Variants in RNF213 observed in about 807,000 individuals in gnomAD.
RNF213 encodes ring finger protein 213, also known as E3 ubiquitin-protein ligase RNF213.
A neutral mutation model predicts 514.4 loss-of-function variants in RNF213; 341 were observed. The ratio of observed to expected loss-of-function variants is 0.66; its 90% CI spans 0.61 to 0.73. The LOEUF (loss-of-function observed/expected upper bound fraction) is 0.73, where lower values mean the gene tolerates loss of function less well. Among genes scored for constraint, RNF213 ranks in the 30% least tolerant of loss-of-function variants. The pLI, the probability that RNF213 is intolerant of heterozygous loss-of-function variation, is 0.00. For missense variants in RNF213, 5,767 were observed against 6,615.6 expected (o/e 0.87, Z 4.45); for synonymous variants, 2,655 against 2,658.2 (o/e 1.00, Z 0.04).
At chr17:80,388,723 C>A (rs372294598) in intron 64 of RNF213, 34 bp downstream of exon 64, 2 of 1,469,478 alleles carry the variant, frequency 1.4e-6, no homozygotes, top group South Asian at 2.3e-5. Flanking sequence ...GTGCACGGGG[C>A]TTTCTGCCTT....
intron 17 of RNF213, among the ~76,000 whole-genome samples, chr17:80,321,864 T>C (rs958751949): frequency 1.3e-5 from 2 of 152,148 alleles, no homozygotes; most frequent in Non-Finnish European, 2.9e-5. Flanking sequence ...TAGCTGGGAC[T>C]ACAGGCATGT....
Position 80,362,399 on chromosome 17 carries a change from G to A in RNF213, c.11355+511G>A, listed in dbSNP as rs570141980. Among the ~76,000 whole-genome samples the A allele has an allele frequency of 2.2e-4, 33 of 152,240 alleles. 1 individual carries two copies. In the South Asian group the frequency reaches 4.6e-3, roughly 21 times the overall value. On this transcript the variant is annotated intron_variant, in intron 39 of 67. Coordinates refer to ENST00000582970, the MANE Select transcript of RNF213 (RefSeq NM_001256071.3). ...CCTAAGTTTTAAAAAATGGGTAAAC[G>A]TTATAAAACAACAATTTTATAATCT... is the stretch of plus-strand genomic sequence containing the variant.
chr17:80,382,628 C>T, intron 57 of RNF213: 1 of 334,742 alleles, frequency 3.0e-6, no homozygotes, highest in Non-Finnish European at 5.7e-6. Flanking sequence ...CACTCCACAT[C>T]TGTGTGGTCT....
intron 10 of RNF213, among the ~76,000 whole-genome samples, chr17:80,297,786 CAA>C (rs550895440): frequency 0.026 from 2,564 of 98,148 alleles, 62 homozygotes; most frequent in African/African-American, 0.091. Context: ...GACTCCGTCT[CAA>C]AAAAAAAAAA....
At chr17:80,329,117 TC>T (rs1282852980) in intron 20 of RNF213, among the ~76,000 whole-genome samples, 1 of 152,182 alleles carries the variant, frequency 6.6e-6, no homozygotes, top group Non-Finnish European at 1.5e-5. Context: ...GGGTGGAGTC[TC>T]CCTCCACCTC....
chr17:80,263,875 G>A lies in RNF213; in HGVS notation c.97+97G>A, dbSNP rs969989011. The stretch of plus-strand genomic sequence containing the variant: ...AAATGGAAACCCTGGGCAGCAGGCA[G>A]CTCAGGTGGGGCCGAGGTCCTCTGT... On this transcript the variant is annotated intron_variant, in intron 2 of 67. Coordinates refer to ENST00000582970, the MANE Select transcript of RNF213 (RefSeq NM_001256071.3). This position sits in a 1 kb window ranked among gnomAD's most constrained non-coding sequence, Gnocchi z 4.9. 63 of 1,013,822 alleles carry A rather than the reference G, an allele frequency of 6.2e-5. No homozygotes were observed. The highest frequency in any genetic ancestry group is 9.1e-5 in the Non-Finnish European group (59 of 650,140). 62.8% of individuals were successfully genotyped at this position (1,013,822 alleles called of 1,614,324 possible).
At chr17:80,325,258 GA>G in intron 18 of RNF213, 60 bp downstream of exon 18, 1 of 1,451,234 alleles carries the variant, frequency 6.9e-7, no homozygotes, top group African/African-American at 1.4e-5. Flanking sequence ...TCCTGATTGG[GA>G]AAGGTGGGAG....
In RNF213 at chr17:80,363,594, TGTCC is replaced by T; in HGVS notation, c.11569-11_11569-8del. On this transcript the variant is annotated splice_polypyrimidine_tract_variant and intron_variant, in intron 40 of 67. Coordinates refer to ENST00000582970, the MANE Select transcript of RNF213 (RefSeq NM_001256071.3). ...GGGGCACCGCTCAGCCACGCCCTGCTGTCCGTCTCCCCAGACCCTGGACGCATTT... is the reference window on the plus strand; with the variant it reads ...GGGGCACCGCTCAGCCACGCCCTGCTGTCTCCCCAGACCCTGGACGCATTT... The T allele has an allele frequency of 6.2e-7, 1 of 1,612,894 alleles. No homozygotes were observed. Among genetic ancestry groups the T allele is most frequent in the Non-Finnish European group, 8.5e-7 (1 of 1,180,002 alleles).
At position 80,348,243 on chromosome 17, in the gene RNF213, A is replaced by T; in HGVS notation, c.9908A>T (p.His3303Leu). 6.2e-7 allele frequency: 1 copy of T among 1,614,030 alleles called. No individual in the cohort carries two copies. Among genetic ancestry groups the T allele is most frequent in the South Asian group, 1.1e-5 (1 of 91,090 alleles). Residue 3303 changes from histidine to leucine, a missense_variant, in exon 29 of 68, where the codon CAC (histidine) becomes CTC (leucine). Coordinates refer to ENST00000582970, the MANE Select transcript of RNF213 (RefSeq NM_001256071.3). ...HNSFADFLQA[H>L]LHTADLERHA... is the part of the protein sequence containing the mutation. ...TCCTTTGCAGATTTCCTTCAGGCAC[A>T]CCTGCACACGGCAGACCTGGAGCGC...
At chr17:80,351,170 G>A (rs977179570) in intron 31 of RNF213, among the ~76,000 whole-genome samples, 1 of 152,188 alleles carries the variant, frequency 6.6e-6, no homozygotes, top group East Asian at 1.9e-4. Context: ...ATGGCATTGC[G>A]CACAGAACTC....
chr17:80,332,318 A>G lies in RNF213; in HGVS notation c.3830A>G (p.Tyr1277Cys). The G allele has an allele frequency of 1.3e-6, 2 of 1,537,238 alleles. No homozygotes were observed. Among genetic ancestry groups the G allele is most frequent in the South Asian group, 1.2e-5 (1 of 84,062 alleles). ...CTTGAGCTTGAAGAGGTGTATGACT[A>G]TTTGTATCAGCCTTCTTACAGAAAG... Reference protein sequence around the residue: ...HILELEEVYDYLYQPSYRKFI... With the variant: ...HILELEEVYDCLYQPSYRKFI... Residue 1277 changes from tyrosine to cysteine, a missense_variant, in exon 21 of 68, where the codon TAT becomes TGT. By Grantham distance (194) the Tyr-to-Cys change is radical. Coordinates refer to ENST00000582970, the MANE Select transcript of RNF213 (RefSeq NM_001256071.3).
In RNF213 at chr17:80,353,626, A is replaced by G; in HGVS notation, c.10538A>G (p.Glu3513Gly). The change falls in exon 34 of 68, where the codon GAG becomes GGG. Residue 3513 changes from glutamate to glycine, a missense_variant. Glu to Gly is a moderately conservative substitution (Grantham distance 98, BLOSUM62 -2). This residue lies in a region of RNF213 where 919 missense variants were observed against 1,121.0 expected (regional missense o/e 0.82). Transcript: ENST00000582970. The surrounding 1 kb of genome is among the most constrained non-coding windows in gnomAD (Gnocchi z 5.0). ...AEEAMETESS[E>G]KVGKETSELG... ...GAGGCCATGGAAACAGAAAGTTCTG[A>G]GAAGGTGGGAAAGGAAACCTCTGAA... 2 of 1,614,186 alleles carry G rather than the reference A, an allele frequency of 1.2e-6. No homozygotes were observed. The highest frequency in any genetic ancestry group is 8.5e-7 in the Non-Finnish European group (1 of 1,180,024).
chr17:80,334,967 G>T (rs2077945458), intron 22 of RNF213, among the ~76,000 whole-genome samples: 1 of 150,984 alleles, frequency 6.6e-6, no homozygotes, highest in South Asian at 2.1e-4. Context: ...TGTTGCCCAG[G>T]CTGGAGTGCA....
chr17:80,391,332 G>T (rs577213671), intron 67 of RNF213, among the ~76,000 whole-genome samples: 1 of 152,086 alleles, frequency 6.6e-6, no homozygotes, highest in African/African-American at 2.4e-5. Context: ...GTGCAGTGGC[G>T]CAATCTTGGC....
intron 36 of RNF213, among the ~76,000 whole-genome samples, chr17:80,357,663 A>C (rs1332349086): frequency 1.3e-5 from 2 of 152,206 alleles, no homozygotes; most frequent in Non-Finnish European, 2.9e-5. Flanking sequence ...ACATACAAAA[A>C]TTATGCAGCC....
intron 14 of RNF213, among the ~76,000 whole-genome samples, chr17:80,310,577 A>G (rs1185253175): frequency 1.3e-5 from 2 of 148,450 alleles, no homozygotes; most frequent in African/African-American, 2.5e-5. Flanking sequence ...TTTGAGACAG[A>G]GTTTCACTCT....
At chr17:80,299,609 T>C (rs2045100872) in intron 11 of RNF213, among the ~76,000 whole-genome samples, 1 of 152,146 alleles carries the variant, frequency 6.6e-6, no homozygotes, top group African/African-American at 2.4e-5. Context: ...AGGTTTGTTA[T>C]ATAGATAAAC....
chr17:80,323,536 T>C (rs904417575), intron 17 of RNF213, among the ~76,000 whole-genome samples: 2 of 152,128 alleles, frequency 1.3e-5, no homozygotes, highest in Admixed American at 1.3e-4. Flanking sequence ...TTAGATTTTT[T>C]TTTTTCCCCT....
rs897537839 is a variant in RNF213, at chr17:80,377,376, C to T, written c.13511-386C>T. On this transcript the variant is annotated intron_variant, in intron 53 of 67. Coordinates refer to ENST00000582970, the MANE Select transcript of RNF213 (RefSeq NM_001256071.3). This position sits in a 1 kb window ranked among gnomAD's most constrained non-coding sequence, Gnocchi z 4.1. ...TATAACCCATGACATGTAAATTTTGCTGTTGCCTGAGTAAATATTTTAAAA... is the reference window on the plus strand; with the variant it reads ...TATAACCCATGACATGTAAATTTTGTTGTTGCCTGAGTAAATATTTTAAAA... 1.3e-5 allele frequency among the ~76,000 whole-genome samples: 2 copies of T among 151,264 alleles called. No homozygotes were observed. Among genetic ancestry groups the T allele is most frequent in the African/African-American group, 4.9e-5 (2 of 41,090 alleles).
Sources: allele counts gnomAD v4.1 joint callset (sites outside exome capture counted in the v4.1 genomes callset), GRCh38; gene constraint gnomAD v4.1.1; regional missense constraint gnomAD v4.1.1; non-coding constraint Gnocchi (gnomAD v3.1); transcripts MANE v1.5; gene names NCBI Gene and HGNC (gene_info 2026-07-23, HGNC 2026-07-21).